COL28A1: variants seen among roughly 807,000 people sequenced by gnomAD.
COL28A1 encodes collagen type XXVIII alpha 1 chain.
COL28A1 carries 161 observed loss-of-function variants against 150.2 expected under a neutral mutation model. That is an observed-to-expected ratio of 1.07 (90% CI 0.94 to 1.22). The LOEUF is 1.22. Among genes scored for constraint, COL28A1 ranks in the 50% most tolerant of loss-of-function variants. COL28A1 has a pLI of 0.00. For missense variants in COL28A1, 1,617 were observed against 1,388.3 expected (o/e 1.16, Z -2.62); for synonymous variants, 552 against 469.7 (o/e 1.18, Z -2.26).
chr7:7,411,786 T>C (rs1783803623), intron 27 of COL28A1, among the ~76,000 whole-genome samples: 3 of 152,190 alleles, frequency 2.0e-5, no homozygotes. Context: ...GAAAGAAGAT[T>C]ATCAATGCTC....
chr7:7,470,808 G>T (rs1434413798), intron 15 of COL28A1, among the ~76,000 whole-genome samples: 4 of 128,538 alleles, frequency 3.1e-5, no homozygotes, highest in Non-Finnish European at 6.3e-5. Flanking sequence ...CATATCCTTT[G>T]TAGGGACATG....
intron 19 of COL28A1, 62 bp from the exon 20 acceptor site, chr7:7,443,715 C>G: frequency 6.3e-7 from 1 of 1,597,908 alleles, no homozygotes. Flanking sequence ...ACGTATCATC[C>G]CACCTTGTCT....
At chr7:7,383,450 T>A (rs1260221091) in intron 27 of COL28A1, among the ~76,000 whole-genome samples, 1 of 151,742 alleles carries the variant, frequency 6.6e-6, no homozygotes, top group African/African-American at 2.4e-5. Context: ...GGCTAATTTT[T>A]GTATTTTTAG....
chr7:7,514,080 ATAAT>A (rs1781293650), intron 8 of COL28A1, among the ~76,000 whole-genome samples: 1 of 152,228 alleles, frequency 6.6e-6, no homozygotes, highest in Non-Finnish European at 1.5e-5. Context: ...CAGTGAATCA[ATAAT>A]TCTCCAGAAA....
intron 18 of COL28A1, among the ~76,000 whole-genome samples, chr7:7,444,980 A>C (rs1191364081): frequency 6.6e-6 from 1 of 152,010 alleles, no homozygotes; most frequent in African/African-American, 2.4e-5. Context: ...GTTGTTTAAA[A>C]ATGTGTGTGT....
rs144427777 is a variant in COL28A1, at chr7:7,386,569, T to C, written c.2137-4957A>G. ...TGGAGGTGCCACATGTTATACAAGC[T>C]GGTGAGAATTTAGCTAAAATTTTTA... On this transcript the variant is annotated intron_variant, in intron 27 of 34. Coordinates refer to ENST00000399429, the MANE Select transcript of COL28A1 (RefSeq NM_001037763.3). Among the ~76,000 whole-genome samples the C allele has an allele frequency of 2.3e-4, 35 of 152,268 alleles. 1 individual carries two copies. The East Asian group carries it at 6.6e-3, about 29-fold the overall frequency.
intron 19 of COL28A1, 63 bp downstream of exon 19, chr7:7,444,355 G>C: frequency 1.2e-6 from 2 of 1,603,022 alleles, no homozygotes. Flanking sequence ...AGCTCCTGCA[G>C]GACCAAGATA....
rs1452536805 is a variant in COL28A1 at position 7,493,326 on chromosome 7, G to A, written c.1027-2680C>T. 2.0e-5 allele frequency among the ~76,000 whole-genome samples: 3 copies of A among 152,062 alleles called. No homozygotes were observed. In the East Asian group the frequency reaches 5.8e-4, roughly 29 times the overall value. ...TGATGTTTGATCAGAAACAAACCAA[G>A]AGCCCAGGTTGGTGACAAGAAATTG... On this transcript the variant is annotated intron_variant, in intron 11 of 34. Transcript: ENST00000399429.
chr7:7,417,070 G>C (rs969398505), intron 27 of COL28A1, among the ~76,000 whole-genome samples: 32 of 152,162 alleles, frequency 2.1e-4, no homozygotes, highest in African/African-American at 7.7e-4. Context: ...CGGAAAAAAA[G>C]AGAGTGAACC....
intron 27 of COL28A1, among the ~76,000 whole-genome samples, chr7:7,400,207 C>T (rs1007063036): frequency 1.3e-5 from 2 of 152,154 alleles, no homozygotes; most frequent in African/African-American, 2.4e-5. Context: ...CCTATGAACC[C>T]TATTATCCAT....
intron 3 of COL28A1, among the ~76,000 whole-genome samples, chr7:7,530,376 G>C (rs1782280525): frequency 6.6e-6 from 1 of 152,184 alleles, no homozygotes; most frequent in South Asian, 2.1e-4. Flanking sequence ...GAGTAATGTT[G>C]AGAAAAAGAT....
intron 26 of COL28A1, among the ~76,000 whole-genome samples, chr7:7,418,641 G>A (rs1169311447): frequency 6.6e-6 from 1 of 152,058 alleles, no homozygotes. Flanking sequence ...GAAGCCTTCA[G>A]AAGTGCTGGG....
chr7:7,500,253 C>A (rs1247406190), intron 11 of COL28A1, among the ~76,000 whole-genome samples: 1 of 152,182 alleles, frequency 6.6e-6, no homozygotes, highest in Non-Finnish European at 1.5e-5. Context: ...AGGCAACTGC[C>A]CACATAACCT....
intron 9 of COL28A1, 90 bp downstream of exon 9, chr7:7,511,001 T>G (rs28490326): frequency 0.07 from 69,082 of 986,224 alleles, 2,617 homozygotes; most frequent in African/African-American, 0.13. Flanking sequence ...AGTAGTGAGA[T>G]CACCATAATT....
chr7:7,356,428 A>C (rs1780358364), downstream of COL28A1: 2 of 152,210 alleles, frequency 1.3e-5, no homozygotes, highest in Non-Finnish European at 2.9e-5. Context: ...TTCATTCTCT[A>C]GGTGATGTGT....
At chr7:7,535,636 C>G (rs1412301570) in intron 1 of COL28A1, 114 bp downstream of exon 1, 1 of 152,038 alleles carries the variant, frequency 6.6e-6, no homozygotes, top group African/African-American at 2.4e-5. Context: ...AGAATACAAA[C>G]TATTGACAAG....
chr7:7,380,755 C>CT, intron 29 of COL28A1, 27 bp downstream of exon 29: 3 of 1,612,154 alleles, frequency 1.9e-6, no homozygotes, highest in Non-Finnish European at 2.5e-6. Context: ...AGTATAAAAT[C>CT]ACAGTGAGAC....
intron 15 of COL28A1, among the ~76,000 whole-genome samples, chr7:7,461,514 C>T (rs1787620439): frequency 6.6e-6 from 1 of 152,162 alleles, no homozygotes; most frequent in Non-Finnish European, 1.5e-5. Flanking sequence ...TACTCACCCA[C>T]TGCCTGGAAA....
Position 7,463,105 on chromosome 7 carries a change from T to A in COL28A1, c.1303-6993A>T, listed in dbSNP as rs188476100. Among the ~76,000 whole-genome samples the A allele has an allele frequency of 3.9e-5, 6 of 152,064 alleles. No homozygotes were observed. The East Asian group carries it at 1.2e-3, about 29-fold the overall frequency. On this transcript the variant is annotated intron_variant, in intron 15 of 34. Coordinates refer to ENST00000399429, the MANE Select transcript of COL28A1 (RefSeq NM_001037763.3). ...GAGAAATCTAAAAGTTTGAAAAATATATTTGGAGGAATAATCGAGGAAAAC... is the reference window on the plus strand; with the variant it reads ...GAGAAATCTAAAAGTTTGAAAAATAAATTTGGAGGAATAATCGAGGAAAAC...
Sources: gnomAD v4.1 joint callset for allele counts (sites outside exome capture counted in the v4.1 genomes callset) on GRCh38, gnomAD v4.1.1 for gene constraint, MANE v1.5 for transcripts, NCBI Gene and HGNC (gene_info 2026-07-23, HGNC 2026-07-21) for gene names.